The following ANXA2 variants were observed in gnomAD, a reference collection of about 807,000 sequenced individuals.
ANXA2 encodes annexin A2.
ANXA2 carries 28 observed loss-of-function variants against 47.3 expected under a neutral mutation model. The ratio of observed to expected loss-of-function variants is 0.59; its 90% CI spans 0.44 to 0.81. ANXA2 has a LOEUF of 0.81. Ranked by LOEUF, ANXA2 falls within the 40% of genes least tolerant of loss-of-function variation. The pLI is 0.00. For synonymous variants in ANXA2, 172 were observed against 155.5 expected (o/e 1.11, Z -0.79); for missense variants, 384 against 414.3 (o/e 0.93, Z 0.64).
chr15:60,356,119 C>T (rs2062426160), intron 6 of ANXA2, 121 bp from the exon 7 acceptor site: 2 of 712,796 alleles, frequency 2.8e-6, no homozygotes, highest in South Asian at 3.5e-5. Flanking sequence ...TGGACATATC[C>T]ATTCTCCTTA....
chr15:60,397,369 T>C (rs2063094547), intron 1 of ANXA2: 2 of 970,780 alleles, frequency 2.1e-6, no homozygotes, highest in Non-Finnish European at 2.4e-6. Context: ...GACGTTTTAA[T>C]GTCTTCTTTT....
intron 11 of ANXA2, among the ~76,000 whole-genome samples, chr15:60,350,461 G>A (rs984068208): frequency 1.6e-4 from 24 of 152,154 alleles, no homozygotes; most frequent in Non-Finnish European, 2.8e-4. Context: ...AAAGACCACT[G>A]AGTTTACTTC....
At chr15:60,380,546 G>A (rs2062842645) in intron 3 of ANXA2, among the ~76,000 whole-genome samples, 1 of 150,610 alleles carries the variant, frequency 6.6e-6, no homozygotes, top group Non-Finnish European at 1.5e-5. Context: ...GCTCATACCT[G>A]TACTCCCAGC....
intron 3 of ANXA2, among the ~76,000 whole-genome samples, chr15:60,365,828 C>CTCCCTT (rs2062586973): frequency 1.4e-5 from 1 of 71,802 alleles, no homozygotes; most frequent in Admixed American, 1.6e-4. Flanking sequence ...GCTGCTGAGT[C>CTCCCTT]TCCCTCTCCC....
intron 12 of ANXA2, among the ~76,000 whole-genome samples, chr15:60,348,792 C>T (rs898770523): frequency 2.6e-5 from 4 of 151,754 alleles, no homozygotes; most frequent in Admixed American, 2.0e-4. Flanking sequence ...CAAGCCTCTT[C>T]GGGATGTCAG....
At chr15:60,347,754 CAG>C (rs1895787646) in intron 12 of ANXA2, 65 bp from the exon 13 acceptor site, 1 of 1,364,236 alleles carries the variant, frequency 7.3e-7, no homozygotes, top group African/African-American at 1.4e-5. Context: ...CTCAATAACA[CAG>C]AAGTAGCCTC....
intron 1 of ANXA2, among the ~76,000 whole-genome samples, chr15:60,387,262 C>T (rs2062946357): frequency 6.6e-6 from 1 of 152,216 alleles, no homozygotes. Flanking sequence ...CAGACCACTA[C>T]TCTCTTCTTG....
rs376059057 is a variant in ANXA2 at position 60,349,237 on chromosome 15, G to C, written c.838-40C>G. 29 of 1,609,904 alleles carry C rather than the reference G, an allele frequency of 1.8e-5. No individual in the cohort carries two copies. The Middle Eastern group carries it at 4.9e-4, about 27-fold the overall frequency. Reference sequence around the variant, plus strand: ...GATATTTGTTACATTCGCTGAGAATGTTATCGTTAAAGAAAGCGTCTACAG... The same window carrying C: ...GATATTTGTTACATTCGCTGAGAATCTTATCGTTAAAGAAAGCGTCTACAG... On this transcript the variant is annotated intron_variant, in intron 11 of 12. Coordinates refer to ENST00000451270, the MANE Select transcript of ANXA2 (RefSeq NM_004039.3).
rs1200432128 is a variant in ANXA2 at position 60,352,839 on chromosome 15, C to T, written c.589-363G>A. ...TTGGGCACATTTAGGGGCAGATAAG[C>T]TAGCAGATGTTTACTGGACAGCTAC... On this transcript the variant is annotated intron_variant, in intron 8 of 12. Transcript: ENST00000451270. The surrounding 1 kb of genome is among the most constrained non-coding windows in gnomAD (Gnocchi z 4.2). Among the ~76,000 whole-genome samples the T allele has an allele frequency of 6.6e-6, 1 of 152,178 alleles. No individual in the cohort carries two copies. Among genetic ancestry groups the T allele is most frequent in the Non-Finnish European group, 1.5e-5 (1 of 68,028 alleles).
intron 3 of ANXA2, among the ~76,000 whole-genome samples, chr15:60,377,305 A>G (rs1487738659): frequency 1.3e-5 from 2 of 152,234 alleles, no homozygotes; most frequent in African/African-American, 4.8e-5. Context: ...TTTCCAACTA[A>G]TGACTTCATT....
At chr15:60,361,683 C>T (rs549282249) in intron 4 of ANXA2, among the ~76,000 whole-genome samples, 3 of 152,090 alleles carry the variant, frequency 2.0e-5, no homozygotes, top group Admixed American at 6.5e-5. Context: ...AACTAACACC[C>T]CCGAACTGGC....
chr15:60,368,557 C>T (rs1247730665), intron 3 of ANXA2, among the ~76,000 whole-genome samples: 1 of 149,986 alleles, frequency 6.7e-6, no homozygotes, highest in Non-Finnish European at 1.5e-5. Context: ...AATAAAGGTA[C>T]TGTTAAGTAA....
chr15:60,389,237 G>C (rs1272016688), intron 1 of ANXA2, among the ~76,000 whole-genome samples: 2 of 152,170 alleles, frequency 1.3e-5, no homozygotes, highest in African/African-American at 2.4e-5. Context: ...TAAAACAAAA[G>C]CAAAACCAGG....
chr15:60,378,087 G>A (rs2062806175), intron 3 of ANXA2, among the ~76,000 whole-genome samples: 1 of 151,888 alleles, frequency 6.6e-6, no homozygotes, highest in Non-Finnish European at 1.5e-5. Flanking sequence ...GGGCAACAGA[G>A]TGAGACTCCG....
intron 1 of ANXA2, chr15:60,394,680 CAG>C (rs1463666360): frequency 6.8e-6 from 1 of 147,098 alleles, no homozygotes; most frequent in African/African-American, 2.5e-5. Flanking sequence ...GGCTGGGTGA[CAG>C]AGCCAGGCTC....
chr15:60,356,595 T>C (rs1434953595), intron 6 of ANXA2, among the ~76,000 whole-genome samples: 2 of 152,180 alleles, frequency 1.3e-5, no homozygotes, highest in Non-Finnish European at 2.9e-5. Context: ...ATAATACATG[T>C]ACCAAAATAT....
intron 1 of ANXA2, chr15:60,392,942 T>TAAAAA (rs60755565): frequency 4.3e-6 from 4 of 927,158 alleles, no homozygotes; most frequent in Non-Finnish European, 5.4e-6. Flanking sequence ...AATTTTAAAC[T>TAAAAA]AAAAAAAAAA....
intron 1 of ANXA2, chr15:60,393,727 T>G: frequency 1.0e-6 from 1 of 973,212 alleles, no homozygotes; most frequent in South Asian, 4.8e-5. Flanking sequence ...CTGCAGCTTT[T>G]TGTGTGTCTG....
At chr15:60,357,306 C>A (rs2062446178) in intron 5 of ANXA2, 70 bp from the exon 6 acceptor site, 6 of 1,319,924 alleles carry the variant, frequency 4.5e-6, no homozygotes, top group Non-Finnish European at 6.5e-6. Context: ...CTCTGATCTC[C>A]ATCAAGTAAA....
Sources: gnomAD v4.1 joint callset for allele counts (sites outside exome capture counted in the v4.1 genomes callset) on GRCh38, gnomAD v4.1.1 for gene constraint, Gnocchi (gnomAD v3.1) non-coding constraint, MANE v1.5 for transcripts, NCBI Gene and HGNC (gene_info 2026-07-23, HGNC 2026-07-21) for gene names.